Variants in FBLN1 observed in about 807,000 individuals in gnomAD.
FBLN1 encodes the protein fibulin-1.
A neutral mutation model predicts 89.7 loss-of-function variants in FBLN1; 34 were observed. The ratio of observed to expected loss-of-function variants is 0.38; its 90% CI spans 0.29 to 0.50. The LOEUF is 0.50. FBLN1 is among the 20% of genes least tolerant of loss of function. FBLN1 has a pLI of 0.92. For missense variants in FBLN1, 777 were observed against 988.1 expected, an observed-to-expected ratio of 0.79 and a Z score of 2.86; for synonymous variants, 393 against 391.3, an observed-to-expected ratio of 1.00 and a Z score of -0.05.
rs1274836253 is a variant in FBLN1, at chr22:45,533,833, T to G, written c.719T>G (p.Phe240Cys). 6.2e-7 allele frequency: 1 copy of G among 1,614,030 alleles called. No individual in the cohort carries two copies. ...GESCINTVGSFRCQRDSSCGT... is the reference protein window; with the variant it reads ...GESCINTVGSCRCQRDSSCGT... ...TCCTGCATCAACACAGTGGGCTCTT[T>G]CCGCTGCCAGCGGGACAGCAGCTGC... Residue 240 changes from phenylalanine (F) to cysteine (C), a missense_variant, in exon 7 of 17, where the codon TTC becomes TGC. Coordinates refer to ENST00000327858, the MANE Select transcript of FBLN1 (RefSeq NM_006486.3).
chr22:45,518,851 A>G, intron 2 of FBLN1, 64 bp downstream of exon 2: 1 of 1,388,632 alleles, frequency 7.2e-7, no homozygotes, highest in Admixed American at 1.9e-5. Flanking sequence ...GTGGGGGAGG[A>G]AGGGACAGTG....
intron 16 of FBLN1, among the ~76,000 whole-genome samples, chr22:45,596,874 TTTAAAATAC>T (rs1281828575): frequency 1.7e-4 from 24 of 142,618 alleles, no homozygotes; most frequent in African/African-American, 6.1e-4. Context: ...CTTTAAACTA[TTTAAAATAC>T]AGTTATATAA....
intron 16 of FBLN1, among the ~76,000 whole-genome samples, chr22:45,594,696 A>ATGGATG (rs1569269676): frequency 0.014 from 1,999 of 143,094 alleles, 45 homozygotes; most frequent in African/African-American, 0.048. Context: ...ATTGGTGGAT[A>ATGGATG]GATGGATGGA....
intron 14 of FBLN1, among the ~76,000 whole-genome samples, chr22:45,553,805 A>C (rs1171769545): frequency 6.6e-6 from 1 of 152,108 alleles, no homozygotes; most frequent in African/African-American, 2.4e-5. Flanking sequence ...CGGGAGCTGC[A>C]CCAGAACACC....
intron 2 of FBLN1, among the ~76,000 whole-genome samples, chr22:45,525,201 GAGAAAGAA>G (rs3075463): frequency 6.6e-6 from 1 of 151,408 alleles, no homozygotes; most frequent in Non-Finnish European, 1.5e-5. Flanking sequence ...GAGAGAAAGA[GAGAAAGAA>G]AGAAAGAGAG....
chr22:45,541,299 C>T lies in FBLN1; in HGVS notation c.993C>T (p.Ser331=). 6.2e-7 allele frequency: 1 copy of T among 1,614,256 alleles called. No homozygotes were observed. The highest frequency in any genetic ancestry group is 8.5e-7 in the Non-Finnish European group (1 of 1,180,034). The change falls in exon 9 of 17, where the codon TCC becomes TCT. Residue 331 remains serine (S), a synonymous_variant. Coordinates refer to ENST00000327858, the MANE Select transcript of FBLN1 (RefSeq NM_006486.3). ...ATACATGCATCAACACAGAGGGCTC[C>T]TACACGTGCCAGAAGAACGTGCCCA... ...IGHTCINTEG[S]YTCQKNVPNC...
At chr22:45,529,097 C>T (rs935130079) in intron 4 of FBLN1, among the ~76,000 whole-genome samples, 1 of 152,228 alleles carries the variant, frequency 6.6e-6, no homozygotes, top group African/African-American at 2.4e-5. Flanking sequence ...GCATGGGTGG[C>T]TGGCCTTGCT....
intron 14 of FBLN1, among the ~76,000 whole-genome samples, chr22:45,569,413 G>A (rs910802006): frequency 2.0e-5 from 3 of 152,258 alleles, no homozygotes; most frequent in Admixed American, 6.5e-5. Flanking sequence ...GGCCAAGGTG[G>A]GCAGATCACA....
chr22:45,592,424 TC>T (rs2146665244), intron 16 of FBLN1, among the ~76,000 whole-genome samples: 1 of 152,356 alleles, frequency 6.6e-6, no homozygotes, highest in Non-Finnish European at 1.5e-5. Flanking sequence ...CCTCCCATGT[TC>T]AGGTGATTCT....
chr22:45,530,544 A>G lies in FBLN1; in HGVS notation c.485-721A>G, dbSNP rs1371766947. 2.6e-5 allele frequency among the ~76,000 whole-genome samples: 4 copies of G among 152,164 alleles called. No homozygotes were observed. The highest frequency in any genetic ancestry group is 5.9e-5 in the Non-Finnish European group (4 of 68,040). ...CTGCGACAAATAAGTACAGAAATGG[A>G]GAATAACCCTTTTCAAACACATAAT... On this transcript the variant is annotated intron_variant, in intron 4 of 16. Transcript: ENST00000327858. This position sits in a 1 kb window ranked among gnomAD's most constrained non-coding sequence, Gnocchi z 5.4.
At chr22:45,507,142 A>G (rs901737427) in intron 1 of FBLN1, among the ~76,000 whole-genome samples, 4 of 152,098 alleles carry the variant, frequency 2.6e-5, no homozygotes, top group African/African-American at 9.7e-5. Flanking sequence ...CAAGTCACCC[A>G]GCGAGGAGCG....
rs1174021964 is a variant in FBLN1, at chr22:45,531,496, G to A, written c.544+172G>A. Among the ~76,000 whole-genome samples, 1 of 152,068 alleles carries A rather than the reference G, an allele frequency of 6.6e-6. No homozygotes were observed. The highest frequency in any genetic ancestry group is 1.5e-5 in the Non-Finnish European group (1 of 68,020). On this transcript the variant is annotated intron_variant, in intron 5 of 16. Coordinates refer to ENST00000327858, the MANE Select transcript of FBLN1 (RefSeq NM_006486.3). The surrounding 1 kb of genome is among the most constrained non-coding windows in gnomAD (Gnocchi z 4.9). ...GACTGCACCTTTGCACTCTAGCCTG[G>A]GCAACAGAGCTGGACCCCGTCTCAA...
chr22:45,547,225 T>TGAG, intron 12 of FBLN1, 21 bp downstream of exon 12: 1 of 1,612,854 alleles, frequency 6.2e-7, no homozygotes, highest in African/African-American at 1.3e-5. Flanking sequence ...CCCTGCCTGC[T>TGAG]GAGGGGGAAA....
chr22:45,541,581 G>A (rs1011020431), intron 9 of FBLN1, among the ~76,000 whole-genome samples: 1 of 152,188 alleles, frequency 6.6e-6, no homozygotes, highest in African/African-American at 2.4e-5. Flanking sequence ...TGTCTGGCTT[G>A]TCCTGAGCCC....
At chr22:45,585,924 A>G (rs1180044813) in intron 16 of FBLN1, among the ~76,000 whole-genome samples, 2 of 152,028 alleles carry the variant, frequency 1.3e-5, no homozygotes, top group South Asian at 2.1e-4. Context: ...TCAGCCCCCA[A>G]TTCCCCAGAT....
At position 45,578,441 on chromosome 22, in the gene FBLN1, G is replaced by A. The variant is rs1015420646; in HGVS notation, c.1972+1333G>A. The A allele has an allele frequency of 3.3e-5, 5 of 152,174 alleles. No homozygotes were observed. Among genetic ancestry groups the A allele is most frequent in the African/African-American group, 9.7e-5 (4 of 41,448 alleles). The allele number at this position is 152,174 out of a possible 1,614,324, so 9.4% of individuals were successfully genotyped here. ...TACAATTAATGGTGCATTAGCCCTC[G>A]CGTGATTCCAAGGGGAAGGCGCATG... is the stretch of plus-strand genomic sequence containing the variant. On this transcript the variant is annotated intron_variant, in intron 16 of 16. Transcript: ENST00000327858. This position sits in a 1 kb window ranked among gnomAD's most constrained non-coding sequence, Gnocchi z 4.6.
chr22:45,536,696 C>T lies in FBLN1; in HGVS notation c.922+1359C>T, dbSNP rs1454745299. ...AGCAGAATCGCTTGAGCCTGGGAGG[C>T]AGAGGTTGCAGTGAGCTGAGATCAC... On this transcript the variant is annotated intron_variant, in intron 8 of 16. Coordinates refer to ENST00000327858, the MANE Select transcript of FBLN1 (RefSeq NM_006486.3). The surrounding 1 kb of genome is among the most constrained non-coding windows in gnomAD (Gnocchi z 5.1). Among the ~76,000 whole-genome samples, 1 of 151,420 alleles carries T rather than the reference C, an allele frequency of 6.6e-6. No homozygotes were observed. Among genetic ancestry groups the T allele is most frequent in the Non-Finnish European group, 1.5e-5 (1 of 67,942 alleles).
At position 45,563,043 on chromosome 22, in the gene FBLN1, G is replaced by C. The variant is rs369954031; in HGVS notation, c.1698-11468G>C. The C allele has an allele frequency of 6.2e-7, 1 of 1,613,490 alleles. No individual in the cohort carries two copies. Among genetic ancestry groups the C allele is most frequent in the Non-Finnish European group, 8.5e-7 (1 of 1,179,996 alleles). ...GTGGTTTTCCGCATGGGCCCCTCCA[G>C]TGCTGTCCCCGGGGACAGCATGCAG... On this transcript the variant is annotated intron_variant, in intron 14 of 16. Transcript: ENST00000327858. The surrounding 1 kb of genome is among the most constrained non-coding windows in gnomAD (Gnocchi z 5.7).
chr22:45,503,251 C>T (rs1457017506), intron 1 of FBLN1, 187 bp downstream of exon 1: 4 of 332,732 alleles, frequency 1.2e-5, no homozygotes, highest in Non-Finnish European at 2.1e-5. Context: ...TCCTCATCTC[C>T]TCCCCGGCCT....
Sources: gnomAD v4.1 joint callset for allele counts (sites outside exome capture counted in the v4.1 genomes callset) on GRCh38, gnomAD v4.1.1 for gene constraint, Gnocchi (gnomAD v3.1) non-coding constraint, MANE v1.5 for transcripts, NCBI Gene and HGNC (gene_info 2026-07-23, HGNC 2026-07-21) for gene names.